HDAC9: variants seen among roughly 807,000 people sequenced by gnomAD.
HDAC9 encodes MEF-2 interacting transcription repressor (MITR) protein.
A neutral mutation model predicts 139.4 loss-of-function variants in HDAC9; 41 were observed. The ratio of observed to expected loss-of-function variants is 0.29; its 90% CI spans 0.23 to 0.38. HDAC9 has a LOEUF of 0.38. HDAC9 is among the 10% of genes least tolerant of loss of function. The pLI is 1.00. For synonymous variants in HDAC9, 517 were observed against 476.2 expected, an observed-to-expected ratio of 1.09 and a Z score of -1.12; for missense variants, 1,147 against 1,297.0, an observed-to-expected ratio of 0.88 and a Z score of 1.78.
rs374816534 is a variant in HDAC9 at position 18,952,333 on chromosome 7, A to G, written c.2938-1813A>G. 2.0e-5 allele frequency among the ~76,000 whole-genome samples: 3 copies of G among 152,066 alleles called. No homozygotes were observed. In the East Asian group the frequency reaches 5.8e-4, roughly 29 times the overall value. On this transcript the variant is annotated intron_variant, in intron 23 of 25. Coordinates refer to ENST00000686413, the MANE Select transcript of HDAC9 (RefSeq NM_178425.4). ...TAAAATAGCCCAGACCTCAGTGTGC[A>G]AGAGACCAGAAGTTAGATGTTTTAC... is the stretch of plus-strand genomic sequence containing the variant.
rs36039150 is a variant in HDAC9 at position 18,891,877 on chromosome 7, T to C, written c.2803+17281T>C. Among the ~76,000 whole-genome samples the C allele has an allele frequency of 8.1e-3, 1,236 of 152,300 alleles. 67 individuals are homozygous for C. In the East Asian group the frequency reaches 0.14, roughly 17 times the overall value. On this transcript the variant is annotated intron_variant, in intron 22 of 25. Transcript: ENST00000686413. Reference sequence around the variant, plus strand: ...CAGGTCTTTGTATGAATGGATTCATTCCCTCTGGGGGTGATCTATTTGATT... The same window carrying C: ...CAGGTCTTTGTATGAATGGATTCATCCCCTCTGGGGGTGATCTATTTGATT...
At chr7:18,777,510 G>A (rs568107072) in intron 16 of HDAC9, among the ~76,000 whole-genome samples, 93 of 152,040 alleles carry the variant, frequency 6.1e-4, no homozygotes, top group African/African-American at 1.7e-3. Flanking sequence ...AAATAATGAT[G>A]ACGTCTCAAT....
At chr7:18,524,223 A>C (rs1174510288) in intron 2 of HDAC9, among the ~76,000 whole-genome samples, 2 of 152,168 alleles carry the variant, frequency 1.3e-5, no homozygotes, top group Non-Finnish European at 2.9e-5. Flanking sequence ...CATGTAATTA[A>C]CTGCCATATT....
In HDAC9 at chr7:19,002,254, T is replaced by C. The variant is rs1230664040; in HGVS notation, c.*6192T>C. 1 of 152,168 alleles carries C rather than the reference T, an allele frequency of 6.6e-6. No individual in the cohort carries two copies. The highest frequency in any genetic ancestry group is 6.5e-5 in the Admixed American group (1 of 15,274). 9.4% of individuals were successfully genotyped at this position (152,168 alleles called of 1,614,324 possible). ...AATGTCCACCTTCTTCTGATTCCTT[T>C]TTTGTATTTGAAAATGCAATGGTGT... On this transcript the variant is annotated 3_prime_UTR_variant, in exon 26 of 26. Transcript: ENST00000686413.
chr7:18,537,223 G>A (rs1359555936), intron 2 of HDAC9, among the ~76,000 whole-genome samples: 1 of 152,214 alleles, frequency 6.6e-6, no homozygotes, highest in Non-Finnish European at 1.5e-5. Flanking sequence ...TTTGGGACAG[G>A]TGAAGGAGAG....
chr7:18,313,841 A>G (rs996143355), intron 1 of HDAC9, among the ~76,000 whole-genome samples: 1 of 152,200 alleles, frequency 6.6e-6, no homozygotes, highest in East Asian at 1.9e-4. Context: ...TTAAGTTAAA[A>G]TAGAAAATAA....
chr7:18,632,303 C>A (rs898511736), intron 7 of HDAC9, among the ~76,000 whole-genome samples: 1 of 151,982 alleles, frequency 6.6e-6, no homozygotes, highest in Non-Finnish European at 1.5e-5. Context: ...TTGCTCAAAT[C>A]CCACAGTAAA....
chr7:18,943,604 T>A (rs556933934), intron 23 of HDAC9, among the ~76,000 whole-genome samples: 28 of 152,188 alleles, frequency 1.8e-4, no homozygotes, highest in African/African-American at 6.5e-4. Context: ...TGATGTATTG[T>A]TTAACCTACA....
intron 16 of HDAC9, among the ~76,000 whole-genome samples, chr7:18,792,211 T>A (rs1792373972): frequency 6.6e-6 from 1 of 151,874 alleles, no homozygotes; most frequent in Non-Finnish European, 1.5e-5. Flanking sequence ...GTTGTTATTA[T>A]TTATTGTATT....
chr7:18,241,938 T>C (rs1397675836), intron 2 of HDAC9, among the ~76,000 whole-genome samples: 1 of 152,218 alleles, frequency 6.6e-6, no homozygotes, highest in East Asian at 1.9e-4. Flanking sequence ...GCTTCTGTTA[T>C]ATAACCACAG....
chr7:18,491,259 AAAATT>A (rs1227599781), upstream of HDAC9, among the ~76,000 whole-genome samples: 5 of 152,014 alleles, frequency 3.3e-5, no homozygotes, highest in Non-Finnish European at 7.4e-5. Context: ...TTATTTGAGA[AAAATT>A]AAAACAAAAC....
chr7:18,256,295 C>A (rs1795238820), intron 2 of HDAC9, among the ~76,000 whole-genome samples: 1 of 151,998 alleles, frequency 6.6e-6, no homozygotes, highest in Non-Finnish European at 1.5e-5. Flanking sequence ...AGATATAAAA[C>A]CATGATGTTA....
chr7:18,792,836 C>T (rs557207069), intron 16 of HDAC9, among the ~76,000 whole-genome samples: 1 of 152,158 alleles, frequency 6.6e-6, no homozygotes, highest in African/African-American at 2.4e-5. Flanking sequence ...CTTTCTACTC[C>T]CTGACTGCTG....
chr7:18,122,289 T>C (rs921855321), intron 1 of HDAC9, among the ~76,000 whole-genome samples: 6 of 152,118 alleles, frequency 3.9e-5, no homozygotes, highest in African/African-American at 1.4e-4. Flanking sequence ...AATATGGATA[T>C]GTTATATGAG....
chr7:18,391,675 C>T (rs1317891739), intron 1 of HDAC9, among the ~76,000 whole-genome samples: 2 of 152,208 alleles, frequency 1.3e-5, no homozygotes, highest in Non-Finnish European at 2.9e-5. Flanking sequence ...CTGAAAATGT[C>T]TCCACTTTTT....
At chr7:18,928,280 G>A (rs1804414964) in intron 22 of HDAC9, among the ~76,000 whole-genome samples, 1 of 152,166 alleles carries the variant, frequency 6.6e-6, no homozygotes, top group Admixed American at 6.5e-5. Context: ...ATTTCTCTGA[G>A]CTTCTATCAA....
intron 17 of HDAC9, among the ~76,000 whole-genome samples, chr7:18,803,578 C>G (rs1793475359): frequency 6.6e-6 from 1 of 152,144 alleles, no homozygotes; most frequent in Admixed American, 6.6e-5. Flanking sequence ...TTGATAGTTT[C>G]TCTCAGCACT....
chr7:18,894,688 A>G (rs1421413483), intron 22 of HDAC9, among the ~76,000 whole-genome samples: 1 of 152,118 alleles, frequency 6.6e-6, no homozygotes, highest in African/African-American at 2.4e-5. Context: ...TCTGATGAGT[A>G]CTTGAAAAAA....
At chr7:18,834,892 C>T (rs774314786) in intron 19 of HDAC9, among the ~76,000 whole-genome samples, 10 of 152,090 alleles carry the variant, frequency 6.6e-5, no homozygotes, top group Non-Finnish European at 1.3e-4. Context: ...TGGGACTTGG[C>T]AAATCAATGC....
Sources: gnomAD v4.1 joint callset for allele counts (sites outside exome capture counted in the v4.1 genomes callset) on GRCh38, gnomAD v4.1.1 for gene constraint, MANE v1.5 for transcripts, NCBI Gene and HGNC (gene_info 2026-07-23, HGNC 2026-07-21) for gene names.